Variants in INTS9 observed in about 807,000 individuals in gnomAD.
INTS9 encodes protein related to CPSF subunits of 74 kDa.
In INTS9, 55 loss-of-function variants were observed where a neutral mutation model predicts 79.7. The observed-to-expected ratio is 0.69, with a 90% CI of 0.56 to 0.86. The LOEUF is 0.86. Ranked by LOEUF, INTS9 falls within the 40% of genes least tolerant of loss-of-function variation. INTS9 has a pLI of 0.00. For missense variants in INTS9, 721 were observed against 831.5 expected, an observed-to-expected ratio of 0.87 and a Z score of 1.64; for synonymous variants, 319 against 325.2, an observed-to-expected ratio of 0.98 and a Z score of 0.20.
intron 6 of INTS9, among the ~76,000 whole-genome samples, chr8:28,814,315 C>T (rs1454514644): frequency 6.6e-6 from 1 of 151,170 alleles, no homozygotes; most frequent in Non-Finnish European, 1.5e-5. Context: ...CACACACACA[C>T]ACACACACAC....
At chr8:28,833,744 G>T (rs938064208) in intron 6 of INTS9, among the ~76,000 whole-genome samples, 2 of 152,096 alleles carry the variant, frequency 1.3e-5, no homozygotes, top group Admixed American at 6.5e-5. Context: ...AGAAGGTGTG[G>T]CTGCTGTGGG....
intron 5 of INTS9, among the ~76,000 whole-genome samples, chr8:28,835,769 G>T (rs1294767948): frequency 6.6e-6 from 1 of 151,720 alleles, no homozygotes; most frequent in Non-Finnish European, 1.5e-5. Flanking sequence ...ACGTAGTAGG[G>T]TGTGGGCAGG....
intron 1 of INTS9, among the ~76,000 whole-genome samples, chr8:28,884,483 C>T (rs930776195): frequency 1.3e-5 from 2 of 151,982 alleles, no homozygotes; most frequent in Admixed American, 1.3e-4. Context: ...TGTGCTTGGC[C>T]CGATATATTT....
chr8:28,844,236 A>G (rs907706442), intron 4 of INTS9, among the ~76,000 whole-genome samples: 4 of 152,224 alleles, frequency 2.6e-5, no homozygotes, highest in African/African-American at 9.6e-5. Context: ...GTTGATGTGC[A>G]TAGTTTTGAT....
chr8:28,868,017 C>T (rs373936919), intron 1 of INTS9, among the ~76,000 whole-genome samples: 19 of 152,064 alleles, frequency 1.2e-4, no homozygotes, highest in African/African-American at 3.1e-4. Context: ...CAGTGAGCTC[C>T]GGAATCAGTA....
At chr8:28,795,497 G>A (rs369115666) in intron 9 of INTS9, among the ~76,000 whole-genome samples, 10 of 151,798 alleles carry the variant, frequency 6.6e-5, no homozygotes, top group Admixed American at 3.9e-4. Flanking sequence ...AAAATTAGCC[G>A]GGCACAGTGG....
At chr8:28,850,171 A>C (rs1195979051) in intron 3 of INTS9, 42 bp downstream of exon 3, 1 of 1,536,576 alleles carries the variant, frequency 6.5e-7, no homozygotes, top group Non-Finnish European at 9.0e-7. Context: ...ATAGCTTTCC[A>C]CTGGCTGTAG....
At chr8:28,845,990 C>A (rs1807486771) in intron 4 of INTS9, among the ~76,000 whole-genome samples, 1 of 152,188 alleles carries the variant, frequency 6.6e-6, no homozygotes, top group Non-Finnish European at 1.5e-5. Flanking sequence ...ACTCCAAATT[C>A]TTTTTCTCTT....
chr8:28,790,704 T>C, intron 10 of INTS9, among the ~76,000 whole-genome samples: 1 of 152,202 alleles, frequency 6.6e-6, no homozygotes, highest in Non-Finnish European at 1.5e-5. Context: ...AATGCAGGCA[T>C]TACTTAAGTC....
intron 9 of INTS9, among the ~76,000 whole-genome samples, chr8:28,794,537 T>A (rs34687333): frequency 6.6e-6 from 1 of 151,996 alleles, no homozygotes; most frequent in African/African-American, 2.4e-5. Flanking sequence ...TAGAGTAGGA[T>A]ACAGTGGAGA....
intron 1 of INTS9, among the ~76,000 whole-genome samples, chr8:28,888,463 TC>T (rs1022644177): frequency 6.6e-6 from 1 of 151,862 alleles, no homozygotes; most frequent in Non-Finnish European, 1.5e-5. Flanking sequence ...GGCGAGAGGA[TC>T]GCTTGAGTCC....
At chr8:28,792,993 A>T (rs548419670) in intron 10 of INTS9, among the ~76,000 whole-genome samples, 5 of 152,212 alleles carry the variant, frequency 3.3e-5, no homozygotes, top group African/African-American at 1.2e-4. Flanking sequence ...CAGCGGGGAA[A>T]AAAACGACCA....
chr8:28,768,100 C>T lies in INTS9; in HGVS notation c.*46G>A. ...TCCTCAGGTGGCTTGTGAGGGCAGCCAGTGAGGGACTGCAGGATTTCAGGG... is the reference window on the plus strand; with the variant it reads ...TCCTCAGGTGGCTTGTGAGGGCAGCTAGTGAGGGACTGCAGGATTTCAGGG... On this transcript the variant is annotated 3_prime_UTR_variant, in exon 17 of 17. Transcript: ENST00000521022. The T allele has an allele frequency of 6.3e-7, 1 of 1,589,226 alleles. No individual in the cohort carries two copies. The highest frequency in any genetic ancestry group is 1.1e-5 in the South Asian group (1 of 90,384).
At chr8:28,846,022 A>T (rs920389735) in intron 4 of INTS9, among the ~76,000 whole-genome samples, 22 of 152,284 alleles carry the variant, frequency 1.4e-4, no homozygotes, top group East Asian at 5.8e-4. Flanking sequence ...TTGTGGAACT[A>T]TTTTCTACAG....
chr8:28,856,983 A>T (rs1808203336), intron 2 of INTS9, among the ~76,000 whole-genome samples: 1 of 152,126 alleles, frequency 6.6e-6, no homozygotes, highest in South Asian at 2.1e-4. Context: ...TTGGTTTTCT[A>T]TTCTTGTGTT....
At chr8:28,859,801 G>A (rs939118729) in intron 1 of INTS9, among the ~76,000 whole-genome samples, 5 of 152,146 alleles carry the variant, frequency 3.3e-5, no homozygotes, top group African/African-American at 7.2e-5. Context: ...AGGCAAGCCC[G>A]GTTTTACATG....
At chr8:28,778,392 G>C (rs1313649360) in intron 12 of INTS9, among the ~76,000 whole-genome samples, 1 of 152,236 alleles carries the variant, frequency 6.6e-6, no homozygotes, top group Non-Finnish European at 1.5e-5. Context: ...TCCCCCACAA[G>C]GTACTGATTT....
At chr8:28,809,455 C>T (rs139246071) in intron 8 of INTS9, among the ~76,000 whole-genome samples, 2 of 152,256 alleles carry the variant, frequency 1.3e-5, no homozygotes, top group South Asian at 2.1e-4. Context: ...AATCCAATTA[C>T]GTGGGTAGAG....
intron 4 of INTS9, 68 bp from the exon 5 acceptor site, chr8:28,837,844 C>T (rs3735724): frequency 0.18 from 256,999 of 1,458,448 alleles, 25,290 homozygotes; most frequent in East Asian, 0.47. Flanking sequence ...GACTAAAAAA[C>T]GACGTTGTCA....
Sources: gnomAD v4.1 joint callset for allele counts (sites outside exome capture counted in the v4.1 genomes callset) on GRCh38, gnomAD v4.1.1 for gene constraint, MANE v1.5 for transcripts, NCBI Gene and HGNC (gene_info 2026-07-23, HGNC 2026-07-21) for gene names.